The following HIGD1C variants were observed in gnomAD, a reference collection of about 807,000 sequenced individuals.
The protein encoded by HIGD1C is HIG1 domain family member 1C.
Under a neutral mutation model 13.1 loss-of-function variants are expected in HIGD1C, and 11 were observed. That is an observed-to-expected ratio of 0.84 (90% CI 0.53 to 1.39). HIGD1C has a LOEUF of 1.39. Ranked by LOEUF, HIGD1C falls within the 40% of genes most tolerant of loss-of-function variation. HIGD1C has a pLI of 0.00. For missense variants in HIGD1C, 110 were observed against 112.0 expected (o/e 0.98, Z 0.08); for synonymous variants, 36 against 37.7 (o/e 0.95, Z 0.17).
At chr12:50,971,016 T>C (rs1475785128), downstream of HIGD1C, among the ~76,000 whole-genome samples, 2 of 152,078 alleles carry the variant, frequency 1.3e-5, no homozygotes, top group African/African-American at 4.8e-5. Context: ...GTAGCTGGGA[T>C]TACAAGCACC....
chr12:50,943,146 C>T, the HIGD1C span, among the ~76,000 whole-genome samples: 5 of 152,034 alleles, frequency 3.3e-5, no homozygotes, highest in East Asian at 9.8e-4. Context: ...ATTACAGACA[C>T]GAGCCACCAC....
chr12:50,954,301 T>A, intron 1 of HIGD1C: 1 of 444,652 alleles, frequency 2.2e-6, no homozygotes, highest in Non-Finnish European at 4.0e-6. Flanking sequence ...GGCATCAAAT[T>A]TTATTCTATT....
the HIGD1C span, among the ~76,000 whole-genome samples, chr12:50,937,357 C>T: frequency 6.6e-6 from 1 of 152,218 alleles, no homozygotes; most frequent in African/African-American, 2.4e-5. Context: ...CCAGCTTGGG[C>T]GTGGCATCTG....
chr12:50,944,059 T>A, the HIGD1C span, among the ~76,000 whole-genome samples: 2 of 152,132 alleles, frequency 1.3e-5, no homozygotes, highest in African/African-American at 2.4e-5. Flanking sequence ...ACCCTAGTCA[T>A]GTCCATACTC....
At chr12:50,958,374 C>T (rs371755015) in intron 1 of HIGD1C, among the ~76,000 whole-genome samples, 36 of 151,184 alleles carry the variant, frequency 2.4e-4, no homozygotes, top group East Asian at 1.2e-3. Flanking sequence ...CTCTGCCTCC[C>T]GGGTTCACAC....
At chr12:50,942,867 CTT>C in the HIGD1C span, among the ~76,000 whole-genome samples, 15 of 140,290 alleles carry the variant, frequency 1.1e-4, no homozygotes, top group East Asian at 2.1e-4. Flanking sequence ...TTTCTCTTCT[CTT>C]TTTTTTTTTT....
intron 2 of HIGD1C, among the ~76,000 whole-genome samples, chr12:50,968,609 T>G (rs1939638350): frequency 6.6e-6 from 1 of 152,010 alleles, no homozygotes; most frequent in Non-Finnish European, 1.5e-5. Context: ...GAGTGCAATC[T>G]CAGCTCACTG....
At chr12:50,944,110 C>T in the HIGD1C span, among the ~76,000 whole-genome samples, 1 of 151,938 alleles carries the variant, frequency 6.6e-6, no homozygotes, top group Non-Finnish European at 1.5e-5. Flanking sequence ...CTTCATAGAA[C>T]AAAAAAATGA....
At chr12:50,940,907 C>T in the HIGD1C span, among the ~76,000 whole-genome samples, 3 of 151,712 alleles carry the variant, frequency 2.0e-5, no homozygotes, top group African/African-American at 4.8e-5. Context: ...TGCAGTGATA[C>T]GATCACAGCT....
At chr12:50,948,096 A>AC in the HIGD1C span, among the ~76,000 whole-genome samples, 1 of 152,196 alleles carries the variant, frequency 6.6e-6, no homozygotes, top group Admixed American at 6.5e-5. Flanking sequence ...AGAATAGCTC[A>AC]CATTTGTCTC....
chr12:50,932,887 A>G, the HIGD1C span, among the ~76,000 whole-genome samples: 1 of 152,236 alleles, frequency 6.6e-6, no homozygotes, highest in African/African-American at 2.4e-5. Flanking sequence ...GCTCTGGAAC[A>G]TGAATCTCCT....
At chr12:50,958,307 A>C (rs1229953214) in intron 1 of HIGD1C, among the ~76,000 whole-genome samples, 1 of 137,512 alleles carries the variant, frequency 7.3e-6, no homozygotes, top group Non-Finnish European at 1.5e-5. Context: ...TTTTAGACGG[A>C]GTCTTGCTCT....
chr12:50,940,029 T>C, the HIGD1C span: 1 of 151,726 alleles, frequency 6.6e-6, no homozygotes, highest in Non-Finnish European at 1.5e-5. Flanking sequence ...AACCAACCCA[T>C]CTGGATTATT....
the HIGD1C span, among the ~76,000 whole-genome samples, chr12:50,943,178 T>C: frequency 3.9e-5 from 6 of 152,086 alleles, no homozygotes; most frequent in Non-Finnish European, 8.8e-5. Flanking sequence ...ATGCAGTTTC[T>C]AATACAAAAT....
the HIGD1C span, among the ~76,000 whole-genome samples, chr12:50,941,530 G>A: frequency 1.3e-5 from 2 of 152,146 alleles, no homozygotes; most frequent in African/African-American, 4.8e-5. Context: ...AACTTTTATG[G>A]TGGGAGGGGC....
At chr12:50,941,768 C>T in the HIGD1C span, among the ~76,000 whole-genome samples, 2 of 152,232 alleles carry the variant, frequency 1.3e-5, no homozygotes, top group East Asian at 3.8e-4. Flanking sequence ...ACTTCCAATG[C>T]CTCCACTCTA....
intron 1 of HIGD1C, among the ~76,000 whole-genome samples, chr12:50,958,941 C>T (rs921801040): frequency 5.9e-5 from 9 of 151,478 alleles, no homozygotes; most frequent in East Asian, 2.0e-4. Flanking sequence ...CACTTAAACC[C>T]GGGAGGCAGA....
intron 2 of HIGD1C, among the ~76,000 whole-genome samples, chr12:50,962,490 A>C (rs1370724510): frequency 2.6e-5 from 4 of 152,240 alleles, no homozygotes; most frequent in Middle Eastern, 3.4e-3. Flanking sequence ...ACTTAGGGTC[A>C]GGAGTTCAAG....
At chr12:50,960,921 G>T in intron 1 of HIGD1C, 47 bp from the exon 4 acceptor site, 2 of 1,468,422 alleles carry the variant, frequency 1.4e-6, no homozygotes, top group Non-Finnish European at 1.8e-6. Flanking sequence ...CTCACACGAT[G>T]CTCCTGCCTC....
Sources: gnomAD v4.1 joint callset for allele counts (sites outside exome capture counted in the v4.1 genomes callset) on GRCh38, gnomAD v4.1.1 for gene constraint, MANE v1.5 for transcripts, NCBI Gene and HGNC (gene_info 2026-07-23, HGNC 2026-07-21) for gene names.